Variants in CARMIL1 observed in about 807,000 individuals in gnomAD.
CARMIL1 encodes capping protein regulator and myosin 1 linker 1, also known as F-actin-uncapping protein LRRC16A.
Under a neutral mutation model 177.1 loss-of-function variants are expected in CARMIL1, and 90 were observed. That is an observed-to-expected ratio of 0.51 (90% CI 0.43 to 0.61). The LOEUF (loss-of-function observed/expected upper bound fraction) is 0.61, where lower values mean the gene tolerates loss of function less well. CARMIL1 is among the 20% of genes least tolerant of loss of function. The pLI is 0.00. For missense variants in CARMIL1, 1,380 were observed against 1,667.0 expected (o/e 0.83, Z 3.00); for synonymous variants, 577 against 606.2 (o/e 0.95, Z 0.71).
intron 27 of CARMIL1, among the ~76,000 whole-genome samples, chr6:25,551,917 A>G (rs1327055454): frequency 6.6e-6 from 1 of 152,172 alleles, no homozygotes; most frequent in Non-Finnish European, 1.5e-5. Flanking sequence ...AAACGAGCGA[A>G]AAACAAAATG....
chr6:25,421,073 G>A (rs1795816212), intron 3 of CARMIL1, among the ~76,000 whole-genome samples: 1 of 152,196 alleles, frequency 6.6e-6, no homozygotes, highest in African/African-American at 2.4e-5. Flanking sequence ...TGGCACATGT[G>A]TGATTCTAAT....
At chr6:25,464,790 T>C (rs1294016673) in intron 8 of CARMIL1, among the ~76,000 whole-genome samples, 1 of 152,148 alleles carries the variant, frequency 6.6e-6, no homozygotes, top group African/African-American at 2.4e-5. Context: ...GGTGAGGATG[T>C]GTAATAGTGG....
At chr6:25,583,204 T>C (rs1813291416) in intron 31 of CARMIL1, among the ~76,000 whole-genome samples, 1 of 152,150 alleles carries the variant, frequency 6.6e-6, no homozygotes, top group African/African-American at 2.4e-5. Flanking sequence ...ATCATAGTTA[T>C]TTCTAAAGAA....
chr6:25,459,277 T>TCTTTCTTTCTTTCTTTCTTCCTTTCTTCC (rs1450322009), intron 8 of CARMIL1, among the ~76,000 whole-genome samples: 3 of 139,594 alleles, frequency 2.1e-5, no homozygotes, highest in Admixed American at 7.7e-5. Context: ...TTTTTTTTTT[T>TCTTTCTTTCTTTCTTTCTTCCTTTCTTCC]TTTAAGACAG....
chr6:25,317,177 T>C (rs1209238879), intron 2 of CARMIL1, among the ~76,000 whole-genome samples: 1 of 152,210 alleles, frequency 6.6e-6, no homozygotes, highest in Non-Finnish European at 1.5e-5. Context: ...GGTCTCAGTC[T>C]GTTGCCCAGG....
chr6:25,563,755 G>T (rs1295872931), intron 29 of CARMIL1: 25 of 985,424 alleles, frequency 2.5e-5, no homozygotes, highest in Non-Finnish European at 3.0e-5. Flanking sequence ...ACATTGAGGG[G>T]AAGAAGTGGC....
intron 15 of CARMIL1, among the ~76,000 whole-genome samples, chr6:25,494,565 G>A (rs528901496): frequency 6.6e-6 from 1 of 152,250 alleles, no homozygotes; most frequent in South Asian, 2.1e-4. Context: ...TGTTCTAATA[G>A]TTGGCCTGAA....
rs1314274243 is a variant in CARMIL1 at position 25,554,950 on chromosome 6, A to G, written c.2592+854A>G. 1.3e-5 allele frequency among the ~76,000 whole-genome samples: 2 copies of G among 152,170 alleles called. No individual in the cohort carries two copies. The highest frequency in any genetic ancestry group is 2.9e-5 in the Non-Finnish European group (2 of 68,036). ...GAAACAGACAAAATGCATGTTTTTG[A>G]AAAATTCATTTGAGAAAAACGTGTA... is the stretch of plus-strand genomic sequence containing the variant. On this transcript the variant is annotated intron_variant, in intron 28 of 36. Transcript: ENST00000329474. The surrounding 1 kb of genome is among the most constrained non-coding windows in gnomAD (Gnocchi z 4.6).
At chr6:25,606,357 G>A in intron 35 of CARMIL1, 84 bp downstream of exon 35, 1 of 1,310,052 alleles carries the variant, frequency 7.6e-7, no homozygotes, top group Admixed American at 2.4e-5. Flanking sequence ...GGTGGTTTCA[G>A]GGGCAGCTGG....
chr6:25,311,529 G>A (rs1783817691), intron 2 of CARMIL1, among the ~76,000 whole-genome samples: 5 of 145,836 alleles, frequency 3.4e-5, no homozygotes. Flanking sequence ...AAGGCTGTAG[G>A]ATATATAGAG....
At chr6:25,345,079 T>A (rs1489672095) in intron 2 of CARMIL1, among the ~76,000 whole-genome samples, 2 of 152,178 alleles carry the variant, frequency 1.3e-5, no homozygotes, top group Non-Finnish European at 2.9e-5. Flanking sequence ...CAGTCAAGTT[T>A]GCACCTTAAC....
intron 11 of CARMIL1, among the ~76,000 whole-genome samples, chr6:25,478,386 C>A (rs1801778425): frequency 1.3e-5 from 2 of 152,142 alleles, no homozygotes; most frequent in Admixed American, 6.5e-5. Context: ...CTTCTCTGTA[C>A]CTCAGCTTCC....
At chr6:25,516,031 A>G (rs542829298) in intron 21 of CARMIL1, among the ~76,000 whole-genome samples, 184 bp downstream of exon 21, 16 of 152,274 alleles carry the variant, frequency 1.1e-4, no homozygotes, top group Admixed American at 3.3e-4. Flanking sequence ...ATTTAGAAGT[A>G]GTGATTCCTT....
chr6:25,354,330 ATTTTTTTTTTTTTT>A (rs67395838), intron 2 of CARMIL1, among the ~76,000 whole-genome samples: 6 of 80,604 alleles, frequency 7.4e-5, no homozygotes, highest in African/African-American at 1.9e-4. Context: ...GACTAATTAA[ATTTTTTTTTTTTTT>A]TTTTTTTTTT....
intron 4 of CARMIL1, among the ~76,000 whole-genome samples, chr6:25,427,691 G>T (rs1354969711): frequency 6.6e-6 from 1 of 152,122 alleles, no homozygotes; most frequent in Non-Finnish European, 1.5e-5. Flanking sequence ...TATGAGAGTT[G>T]TAGTCCCTCC....
chr6:25,617,283 G>T (rs542149097), intron 36 of CARMIL1, among the ~76,000 whole-genome samples: 1 of 151,814 alleles, frequency 6.6e-6, no homozygotes, highest in Non-Finnish European at 1.5e-5. Context: ...TGGTCTATAG[G>T]GTTATCTCAG....
At chr6:25,317,831 C>T (rs1157816741) in intron 2 of CARMIL1, among the ~76,000 whole-genome samples, 2 of 151,988 alleles carry the variant, frequency 1.3e-5, no homozygotes, top group Non-Finnish European at 2.9e-5. Flanking sequence ...TCCCAAAGTG[C>T]TGAGATTACA....
chr6:25,594,853 A>G (rs1814665074), intron 32 of CARMIL1, among the ~76,000 whole-genome samples: 1 of 152,184 alleles, frequency 6.6e-6, no homozygotes, highest in Non-Finnish European at 1.5e-5. Context: ...CCAGACCACA[A>G]AATATACCAC....
intron 2 of CARMIL1, among the ~76,000 whole-genome samples, chr6:25,315,774 A>T (rs2150222536): frequency 6.6e-6 from 1 of 152,352 alleles, no homozygotes; most frequent in East Asian, 1.9e-4. Flanking sequence ...CTGTGCTCAC[A>T]CAGAACCAGA....
Sources: gnomAD v4.1 joint callset for allele counts (sites outside exome capture counted in the v4.1 genomes callset) on GRCh38, gnomAD v4.1.1 for gene constraint, Gnocchi (gnomAD v3.1) non-coding constraint, MANE v1.5 for transcripts, NCBI Gene and HGNC (gene_info 2026-07-23, HGNC 2026-07-21) for gene names.